The following MIS18A variants were observed in gnomAD, a reference collection of about 807,000 sequenced individuals.
MIS18A encodes the protein MIS18 kinetochore protein A, also known as protein Mis18-alpha.
MIS18A carries 14 observed loss-of-function variants against 25.0 expected under a neutral mutation model. The observed-to-expected ratio is 0.56, with a 90% CI of 0.37 to 0.88. MIS18A has a LOEUF of 0.88. MIS18A is among the 40% of genes least tolerant of loss of function. The pLI is 0.00. For synonymous variants in MIS18A, 134 were observed against 118.6 expected (o/e 1.13, Z -0.84); for missense variants, 292 against 290.8 (o/e 1.00, Z -0.03).
intron 1 of MIS18A, among the ~76,000 whole-genome samples, chr21:32,276,581 G>A (rs2123471736): frequency 1.3e-5 from 2 of 151,692 alleles, no homozygotes; most frequent in Middle Eastern, 3.4e-3. Flanking sequence ...GAATGAAAAA[G>A]CTATTAAGAA....
chr21:32,166,609 C>T, the MIS18A span, among the ~76,000 whole-genome samples: 1 of 152,050 alleles, frequency 6.6e-6, no homozygotes, highest in Non-Finnish European at 1.5e-5. Context: ...AACTAAGTAA[C>T]ATGATGCTAA....
At chr21:32,266,692 A>AT (rs2031612643), downstream of MIS18A, among the ~76,000 whole-genome samples, 1 of 151,790 alleles carries the variant, frequency 6.6e-6, no homozygotes. Context: ...CTCCGAACAC[A>AT]TCTGAACATC....
chr21:32,180,069 G>T, the MIS18A span, among the ~76,000 whole-genome samples: 2 of 152,180 alleles, frequency 1.3e-5, no homozygotes, highest in African/African-American at 4.8e-5. Context: ...CCCAGAACTG[G>T]CTTATCAAGG....
the MIS18A span, among the ~76,000 whole-genome samples, chr21:32,197,107 T>C: frequency 0.091 from 13,914 of 152,272 alleles, 711 homozygotes; most frequent in South Asian, 0.16. Context: ...GTTTATTACA[T>C]GGTAAATACA....
At chr21:32,263,436 T>C (rs942702989), downstream of MIS18A, among the ~76,000 whole-genome samples, 1 of 151,940 alleles carries the variant, frequency 6.6e-6, no homozygotes. Flanking sequence ...TCTCTACTAT[T>C]ATAAAAATAC....
At chr21:32,198,951 A>ACCATC in the MIS18A span, among the ~76,000 whole-genome samples, 2 of 151,706 alleles carry the variant, frequency 1.3e-5, no homozygotes, top group African/African-American at 4.8e-5. Flanking sequence ...AGTCGTGGGC[A>ACCATC]CCATCCCAGA....
At chr21:32,265,445 G>A (rs1435740426), downstream of MIS18A, among the ~76,000 whole-genome samples, 2 of 152,224 alleles carry the variant, frequency 1.3e-5, no homozygotes, top group Admixed American at 6.5e-5. Flanking sequence ...AGCCCTGCTG[G>A]CCCCGGGCAA....
chr21:32,171,051 A>T, the MIS18A span, among the ~76,000 whole-genome samples: 1 of 152,138 alleles, frequency 6.6e-6, no homozygotes, highest in East Asian at 1.9e-4. Context: ...GAAAGACTGA[A>T]TGCTTTCCCT....
chr21:32,270,686 AT>A, intron 2 of MIS18A, 157 bp from the exon 3 acceptor site: 1 of 713,640 alleles, frequency 1.4e-6, no homozygotes, highest in Non-Finnish European at 2.0e-6. Context: ...ATAGTAAGAT[AT>A]TTACAATAAA....
chr21:32,274,926 T>C (rs748626278), intron 1 of MIS18A, 30 bp from the exon 2 acceptor site: 4 of 1,566,118 alleles, frequency 2.6e-6, no homozygotes, highest in Non-Finnish European at 3.5e-6. Context: ...CAATAATTTA[T>C]TAATGTAGTT....
the MIS18A span, among the ~76,000 whole-genome samples, chr21:32,229,889 A>C: frequency 6.6e-6 from 1 of 151,050 alleles, no homozygotes; most frequent in African/African-American, 2.4e-5. Context: ...TTCTGCTTTC[A>C]TTCCTTTATT....
rs762286988 is a variant in MIS18A, at chr21:32,278,999, A to G, written c.16T>C (p.Ser6Pro). The G allele has an allele frequency of 6.3e-7, 1 of 1,599,332 alleles. No homozygotes were observed. Among genetic ancestry groups the G allele is most frequent in the Non-Finnish European group, 8.5e-7 (1 of 1,173,380 alleles). ...GCGCATCCTCTGCTACACCTCAGTG[A>G]CCGAACGCCTGCCATTACCTACAAA... MAGVR[S>P]LRCSRGCAGG... is the part of the protein sequence containing the mutation. The change falls in exon 1 of 5, where the codon TCA (serine) becomes CCA (proline). Residue 6 changes from serine to proline, a missense_variant. By Grantham distance (74) the Ser-to-Pro change is moderately conservative. Coordinates refer to ENST00000290130, the MANE Select transcript of MIS18A (RefSeq NM_018944.3).
the MIS18A span, among the ~76,000 whole-genome samples, chr21:32,175,057 T>G: frequency 5.1e-4 from 78 of 152,304 alleles, no homozygotes; most frequent in Non-Finnish European, 8.8e-4. Flanking sequence ...TACACAAACC[T>G]AGATAGTATA....
chr21:32,233,478 A>G, the MIS18A span, among the ~76,000 whole-genome samples: 1 of 152,238 alleles, frequency 6.6e-6, no homozygotes, highest in African/African-American at 2.4e-5. Context: ...GCAATGGAAA[A>G]GGAATTTCAG....
chr21:32,260,240 A>T, the MIS18A span: 1 of 152,166 alleles, frequency 6.6e-6, no homozygotes, highest in Admixed American at 6.5e-5. Flanking sequence ...ACAAAATCTA[A>T]GTAATAAGGT....
At chr21:32,273,630 A>G (rs2031754338) in intron 2 of MIS18A, among the ~76,000 whole-genome samples, 1 of 152,166 alleles carries the variant, frequency 6.6e-6, no homozygotes, top group Non-Finnish European at 1.5e-5. Flanking sequence ...TCTGTCCCCT[A>G]CCACATGTAT....
At chr21:32,255,846 G>A in the MIS18A span, among the ~76,000 whole-genome samples, 198 of 151,260 alleles carry the variant, frequency 1.3e-3, no homozygotes, top group Non-Finnish European at 2.4e-3. Flanking sequence ...AGCCAAGAAC[G>A]TGCCACCGCA....
chr21:32,267,613 T>C (rs928684246), downstream of MIS18A, among the ~76,000 whole-genome samples: 3 of 152,206 alleles, frequency 2.0e-5, no homozygotes, highest in Admixed American at 6.5e-5. Flanking sequence ...GGCTTTGGAA[T>C]GGAATCTGAA....
At chr21:32,239,671 A>C in the MIS18A span, among the ~76,000 whole-genome samples, 3 of 152,220 alleles carry the variant, frequency 2.0e-5, no homozygotes, top group African/African-American at 7.2e-5. Flanking sequence ...GGAGGCTTTT[A>C]TAATATTCTG....
Sources: allele counts gnomAD v4.1 joint callset (sites outside exome capture counted in the v4.1 genomes callset), GRCh38; gene constraint gnomAD v4.1.1; transcripts MANE v1.5; gene names NCBI Gene and HGNC (gene_info 2026-07-23, HGNC 2026-07-21).